The following NME7 variants were observed in gnomAD, a reference collection of about 807,000 sequenced individuals.
The protein encoded by NME7 is nucleoside diphosphate kinase 7.
NME7 carries 41 observed loss-of-function variants against 49.1 expected under a neutral mutation model. The observed-to-expected ratio is 0.83, with a 90% CI of 0.65 to 1.08. The LOEUF is 1.08. Ranked by LOEUF, NME7 falls within the 50% of genes least tolerant of loss-of-function variation. The pLI, the probability that NME7 is intolerant of heterozygous loss-of-function variation, is 0.00. For missense variants in NME7, 423 were observed against 463.4 expected (o/e 0.91, Z 0.80); for synonymous variants, 139 against 150.6 (o/e 0.92, Z 0.56).
intron 3 of NME7, among the ~76,000 whole-genome samples, chr1:169,314,626 A>AT (rs1553255455): frequency 1.3e-5 from 2 of 152,082 alleles, no homozygotes; most frequent in Non-Finnish European, 2.9e-5. Context: ...TTATAAAAAA[A>AT]TTTTTTTAAA....
intron 6 of NME7, among the ~76,000 whole-genome samples, chr1:169,291,848 T>A (rs1179812922): frequency 3.9e-5 from 6 of 152,094 alleles, no homozygotes; most frequent in African/African-American, 1.4e-4. Flanking sequence ...TAGTTTTTTT[T>A]AGACACAATG....
intron 1 of NME7, among the ~76,000 whole-genome samples, chr1:169,356,472 G>A (rs981069975): frequency 6.6e-6 from 1 of 152,022 alleles, no homozygotes; most frequent in Non-Finnish European, 1.5e-5. Context: ...GGAATAGTAA[G>A]TGCAGCTGAA....
chr1:169,205,687 C>G (rs1048509868), intron 10 of NME7, among the ~76,000 whole-genome samples: 1 of 152,146 alleles, frequency 6.6e-6, no homozygotes, highest in Non-Finnish European at 1.5e-5. Flanking sequence ...TGCTTCTGCT[C>G]CGGCCCCACT....
intron 6 of NME7, among the ~76,000 whole-genome samples, chr1:169,297,402 C>T (rs759306507): frequency 5.9e-5 from 9 of 152,302 alleles, no homozygotes; most frequent in Non-Finnish European, 8.8e-5. Flanking sequence ...AGTACTACTA[C>T]GGCCTATAAG....
At chr1:169,301,155 G>A (rs1426051320) in intron 5 of NME7, among the ~76,000 whole-genome samples, 2 of 152,086 alleles carry the variant, frequency 1.3e-5, no homozygotes, top group African/African-American at 2.4e-5. Flanking sequence ...CACAGAATGA[G>A]AGAAAATATT....
intron 1 of NME7, among the ~76,000 whole-genome samples, chr1:169,360,122 C>T (rs1243924650): frequency 6.6e-6 from 1 of 152,142 alleles, no homozygotes; most frequent in Non-Finnish European, 1.5e-5. Context: ...ATCACAGCAG[C>T]AAACATAACT....
At chr1:169,347,608 C>G (rs1023993576) in intron 1 of NME7, among the ~76,000 whole-genome samples, 1 of 152,108 alleles carries the variant, frequency 6.6e-6, no homozygotes, top group Non-Finnish European at 1.5e-5. Context: ...CTCTCCTGTG[C>G]TCCCTCCTCT....
intron 5 of NME7, among the ~76,000 whole-genome samples, chr1:169,300,849 C>A (rs368973117): frequency 1.8e-4 from 27 of 152,104 alleles, no homozygotes; most frequent in East Asian, 9.6e-4. Flanking sequence ...ATTCTCTATT[C>A]AATAAATGGT....
intron 7 of NME7, among the ~76,000 whole-genome samples, chr1:169,247,833 G>A (rs975672372): frequency 2.0e-5 from 3 of 152,090 alleles, no homozygotes; most frequent in Non-Finnish European, 2.9e-5. Flanking sequence ...TTTTATGGCT[G>A]AGTAGTATTC....
Position 169,171,820 on chromosome 1 carries a change from C to CT in NME7, c.991-2267dup, listed in dbSNP as rs1377067114. ...AATTCCTGGCTGTTTTTTTTTTTTTCTTTTTTTTTATGAGTTCTCTATTTG... is the reference window on the plus strand; with the variant it reads ...AATTCCTGGCTGTTTTTTTTTTTTTCTTTTTTTTTTATGAGTTCTCTATTTG... On this transcript the variant is annotated intron_variant, in intron 10 of 11. Coordinates refer to ENST00000367811, the MANE Select transcript of NME7 (RefSeq NM_013330.5). Among the ~76,000 whole-genome samples, 119 of 136,348 alleles carry CT rather than the reference C, an allele frequency of 8.7e-4. No individual in the cohort carries two copies. The South Asian group carries it at 9.9e-3, about 11-fold the overall frequency. 89.4% of individuals were successfully genotyped at this position (136,348 alleles called of 152,430 possible).
At position 169,267,008 on chromosome 1, in the gene NME7, C is replaced by A. The variant is rs1388528095; in HGVS notation, c.754+20295G>T. Among the ~76,000 whole-genome samples the A allele has an allele frequency of 1.5e-5, 2 of 132,920 alleles. 1 individual carries two copies. Among genetic ancestry groups the A allele is most frequent in the Admixed American group, 1.5e-4 (2 of 13,496 alleles). The allele number at this position is 132,920 out of a possible 152,430, so 87.2% of individuals were successfully genotyped here. ...GCTTGAACCTGGGAGGTGGAGGTTG[C>A]CGTGAGCCGAGATCATGCCACTGCA... is the stretch of plus-strand genomic sequence containing the variant. On this transcript the variant is annotated intron_variant, in intron 7 of 11. Transcript: ENST00000367811.
rs1357757821 is a variant in NME7 at position 169,259,285 on chromosome 1, T to C, written c.755-21598A>G. 1.5e-5 allele frequency among the ~76,000 whole-genome samples: 2 copies of C among 133,096 alleles called. 1 individual carries two copies. Among genetic ancestry groups the C allele is most frequent in the Non-Finnish European group, 3.5e-5 (2 of 56,630 alleles). 87.3% of individuals were successfully genotyped at this position (133,096 alleles called of 152,430 possible). On this transcript the variant is annotated intron_variant, in intron 7 of 11. Transcript: ENST00000367811. ...CTTAGGGGAGACACCTACCTGACTTTGGAATAAACTTTTCTTTATAGTTTA... is the reference window on the plus strand; with the variant it reads ...CTTAGGGGAGACACCTACCTGACTTCGGAATAAACTTTTCTTTATAGTTTA...
At chr1:169,142,457 C>A (rs1481457408) in intron 11 of NME7, among the ~76,000 whole-genome samples, 2 of 152,052 alleles carry the variant, frequency 1.3e-5, no homozygotes, top group African/African-American at 4.8e-5. Flanking sequence ...AAATTCTTAA[C>A]TGGTAATCAA....
chr1:169,243,416 C>T (rs1276098847), intron 7 of NME7, among the ~76,000 whole-genome samples: 2 of 152,278 alleles, frequency 1.3e-5, no homozygotes, highest in African/African-American at 4.8e-5. Context: ...AGTTTTTTCT[C>T]ATCTATACAT....
At position 169,263,198 on chromosome 1, in the gene NME7, C is replaced by T. The variant is rs566782322; in HGVS notation, c.754+24105G>A. On this transcript the variant is annotated intron_variant, in intron 7 of 11. Transcript: ENST00000367811. ...TCTTACAATGGAAAAAGCTGAAGTG[C>T]CTTCTTTCTTCCAAACAACCACACT... 1.5e-5 allele frequency among the ~76,000 whole-genome samples: 2 copies of T among 134,034 alleles called. 1 individual carries two copies. Among genetic ancestry groups the T allele is most frequent in the South Asian group, 4.6e-4 (2 of 4,362 alleles). The allele number at this position is 134,034 out of a possible 152,430, so 87.9% of individuals were successfully genotyped here. A position where few individuals can be genotyped will look rare whatever the true frequency, so the allele number is the denominator to read the frequency against.
chr1:169,348,484 A>C (rs1455758437), intron 1 of NME7, among the ~76,000 whole-genome samples: 2 of 152,170 alleles, frequency 1.3e-5, no homozygotes, highest in African/African-American at 4.8e-5. Flanking sequence ...CTTTATGAGA[A>C]ATAATCTGTG....
chr1:169,310,687 T>C (rs925472504), intron 3 of NME7: 4 of 152,212 alleles, frequency 2.6e-5, no homozygotes, highest in African/African-American at 9.7e-5. Context: ...TCTCCCCCTC[T>C]GAAGATTCAG....
chr1:169,307,495 G>A (rs564666126), intron 4 of NME7, among the ~76,000 whole-genome samples: 127 of 152,276 alleles, frequency 8.3e-4, no homozygotes, highest in African/African-American at 3.0e-3. Flanking sequence ...AGGCATGGGT[G>A]GAATTAACAA....
intron 1 of NME7, among the ~76,000 whole-genome samples, chr1:169,358,560 G>A (rs1653540024): frequency 3.3e-5 from 5 of 151,986 alleles, no homozygotes; most frequent in Admixed American, 3.3e-4. Context: ...CTTCACTACA[G>A]TCAGACAATA....
Sources: allele counts gnomAD v4.1 joint callset (sites outside exome capture counted in the v4.1 genomes callset), GRCh38; gene constraint gnomAD v4.1.1; transcripts MANE v1.5; gene names NCBI Gene and HGNC (gene_info 2026-07-23, HGNC 2026-07-21).